The following ZFYVE28 variants were observed in gnomAD, a reference collection of about 807,000 sequenced individuals.
ZFYVE28 encodes zinc finger FYVE-type containing 28.
ZFYVE28 carries 40 observed loss-of-function variants against 82.1 expected under a neutral mutation model. That is an observed-to-expected ratio of 0.49 (90% confidence interval 0.38 to 0.63). The LOEUF is 0.63. ZFYVE28 is among the 30% of genes least tolerant of loss of function. The probability of loss-of-function intolerance (pLI) is 0.00; values close to 1 mark genes in which losing one functional copy is unlikely to be tolerated. For missense variants in ZFYVE28, 1,321 were observed against 1,242.1 expected (o/e 1.06, Z -0.96); for synonymous variants, 612 against 546.1 (o/e 1.12, Z -1.68).
At position 2,372,348 on chromosome 4, in the gene ZFYVE28, C is replaced by CA. The variant is rs1399059279; in HGVS notation, c.40-18276dup. ...TCTTCACAGCCCTACGCTGCCTCCCCAGCCCTTCCATCGCCGCCTCCTGCC... is the reference window on the plus strand; with the variant it reads ...TCTTCACAGCCCTACGCTGCCTCCCCAAGCCCTTCCATCGCCGCCTCCTGCC... On this transcript the variant is annotated intron_variant, in intron 1 of 12. Transcript: ENST00000290974. The surrounding 1 kb of genome is among the most constrained non-coding windows in gnomAD (Gnocchi z 5.2). Among the ~76,000 whole-genome samples, 1 of 152,118 alleles carries CA rather than the reference C, an allele frequency of 6.6e-6. No individual in the cohort carries two copies. The highest frequency in any genetic ancestry group is 2.4e-5 in the African/African-American group (1 of 41,406).
intron 6 of ZFYVE28, among the ~76,000 whole-genome samples, chr4:2,327,500 TAAC>T (rs1273850692): frequency 6.6e-6 from 1 of 151,810 alleles, no homozygotes; most frequent in Non-Finnish European, 1.5e-5. Flanking sequence ...CCATTGAGTA[TAAC>T]GTTAGCTGTG....
intron 5 of ZFYVE28, among the ~76,000 whole-genome samples, chr4:2,336,023 C>T (rs772974017): frequency 7.2e-5 from 11 of 152,184 alleles, no homozygotes; most frequent in Non-Finnish European, 1.5e-4. Context: ...TCCAGCTTGA[C>T]CTTCCCATCT....
intron 6 of ZFYVE28, chr4:2,330,951 G>A (rs776025778): frequency 2.2e-4 from 334 of 1,535,350 alleles, no homozygotes; most frequent in Non-Finnish European, 2.9e-4. Flanking sequence ...GACACAGGTG[G>A]ATGGGTGAGG....
chr4:2,335,614 C>T lies in ZFYVE28; in HGVS notation c.701+91G>A. 7.9e-7 allele frequency: 1 copy of T among 1,265,766 alleles called. No homozygotes were observed. Among genetic ancestry groups the T allele is most frequent in the Non-Finnish European group, 1.1e-6 (1 of 898,404 alleles). The allele number at this position is 1,265,766 out of a possible 1,614,324, so 78.4% of individuals were successfully genotyped here. ...GAGCGGCCACCGTGAGGTGGAGACG[C>T]CATGGACCGGCACCCGCACGGGACC... is the stretch of plus-strand genomic sequence containing the variant. On this transcript the variant is annotated intron_variant, in intron 6 of 12. Transcript: ENST00000290974. This position sits in a 1 kb window ranked among gnomAD's most constrained non-coding sequence, Gnocchi z 5.8.
chr4:2,416,957 AC>A lies in ZFYVE28; in HGVS notation c.39+1327del, dbSNP rs1001530232. On this transcript the variant is annotated intron_variant, in intron 1 of 12. Transcript: ENST00000290974. This position sits in a 1 kb window ranked among gnomAD's most constrained non-coding sequence, Gnocchi z 4.6. ...TTCGGGGCCCTGAGTGAGCCCTCAA[AC>A]CTCCGTGCCGATCTTCCAAACCCAC... 2.0e-5 allele frequency among the ~76,000 whole-genome samples: 3 copies of A among 152,158 alleles called. No individual in the cohort carries two copies. Among genetic ancestry groups the A allele is most frequent in the African/African-American group, 7.2e-5 (3 of 41,504 alleles).
rs572621870 is a variant in ZFYVE28, at chr4:2,408,188, C to T, written c.39+10097G>A. Among the ~76,000 whole-genome samples, 2 of 152,310 alleles carry T rather than the reference C, an allele frequency of 1.3e-5. No individual in the cohort carries two copies. Among genetic ancestry groups the T allele is most frequent in the African/African-American group, 4.8e-5 (2 of 41,574 alleles). ...GCCCTCACTGGACAGCAATGCTTCACCCAGTCCTGGACCAACACATCTCCC... is the reference window on the plus strand; with the variant it reads ...GCCCTCACTGGACAGCAATGCTTCATCCAGTCCTGGACCAACACATCTCCC... On this transcript the variant is annotated intron_variant, in intron 1 of 12. Coordinates refer to ENST00000290974, the MANE Select transcript of ZFYVE28 (RefSeq NM_020972.3). This position sits in a 1 kb window ranked among gnomAD's most constrained non-coding sequence, Gnocchi z 4.3.
In ZFYVE28 at chr4:2,270,563, G is replaced by T; in HGVS notation, c.*162C>A. 2 of 1,067,816 alleles carry T rather than the reference G, an allele frequency of 1.9e-6. No homozygotes were observed. The highest frequency in any genetic ancestry group is 2.7e-6 in the Non-Finnish European group (2 of 745,046). The allele number at this position is 1,067,816 out of a possible 1,614,324, so 66.1% of individuals were successfully genotyped here. On this transcript the variant is annotated 3_prime_UTR_variant, in exon 13 of 13. Coordinates refer to ENST00000290974, the MANE Select transcript of ZFYVE28 (RefSeq NM_020972.3). The stretch of plus-strand genomic sequence containing the variant: ...GCCGGCCCGGGGTCCCTGCAGGGAG[G>T]CTAGCGTGGGCAGGACAGAGGCTCT...
intron 1 of ZFYVE28, among the ~76,000 whole-genome samples, chr4:2,386,873 G>C (rs1334316077): frequency 6.6e-6 from 1 of 152,254 alleles, no homozygotes; most frequent in Non-Finnish European, 1.5e-5. Context: ...CCCGCCTGAG[G>C]TGCCAGCCAA....
chr4:2,329,651 T>A (rs1720375519), intron 6 of ZFYVE28, among the ~76,000 whole-genome samples: 1 of 152,252 alleles, frequency 6.6e-6, no homozygotes, highest in South Asian at 2.1e-4. Context: ...TTTATTGCTT[T>A]AATTTCTGTT....
intron 8 of ZFYVE28, among the ~76,000 whole-genome samples, chr4:2,290,770 CTA>C (rs1713526021): frequency 6.6e-6 from 1 of 152,120 alleles, no homozygotes; most frequent in South Asian, 2.1e-4. Flanking sequence ...CTTGCTTCCC[CTA>C]TTAAGTCCAA....
rs1424672149 is a variant in ZFYVE28 at position 2,416,281 on chromosome 4, AAC to A, written c.39+2002_39+2003del. 3.3e-5 allele frequency among the ~76,000 whole-genome samples: 5 copies of A among 152,332 alleles called. No homozygotes were observed. The highest frequency in any genetic ancestry group is 3.4e-3 in the Middle Eastern group (1 of 294). Reference sequence around the variant, plus strand: ...CCTGAAATTACTCAGCTACTCATGAAACAGAGTCTACAATTATTTTTCCTTCC... The same window carrying A: ...CCTGAAATTACTCAGCTACTCATGAAAGAGTCTACAATTATTTTTCCTTCC... On this transcript the variant is annotated intron_variant, in intron 1 of 12. Transcript: ENST00000290974. This position sits in a 1 kb window ranked among gnomAD's most constrained non-coding sequence, Gnocchi z 4.6.
chr4:2,306,864 A>G (rs1452380399), intron 7 of ZFYVE28: 1 of 152,228 alleles, frequency 6.6e-6, no homozygotes, highest in Non-Finnish European at 1.5e-5. Flanking sequence ...AAATATACGT[A>G]GTTCCTTTAT....
At position 2,417,405 on chromosome 4, in the gene ZFYVE28, G is replaced by C. The variant is rs1441432843; in HGVS notation, c.39+880C>G. On this transcript the variant is annotated intron_variant, in intron 1 of 12. Transcript: ENST00000290974. This position sits in a 1 kb window ranked among gnomAD's most constrained non-coding sequence, Gnocchi z 4.8. ...CGAGCCCCAGGCGGGCGGCGGGGAC[G>C]CAGCGCCCGCAGTGCGACTGGCGCA... Among the ~76,000 whole-genome samples, 1 of 150,634 alleles carries C rather than the reference G, an allele frequency of 6.6e-6. No homozygotes were observed. Among genetic ancestry groups the C allele is most frequent in the Non-Finnish European group, 1.5e-5 (1 of 67,540 alleles).
chr4:2,353,996 G>T lies in ZFYVE28; in HGVS notation c.117C>A (p.Ser39Arg), dbSNP rs758674561. Residue 39 changes from serine to arginine, a missense_variant, in exon 2 of 13, where the codon AGC (serine) becomes AGA (arginine). This residue lies in a region of ZFYVE28 where 343 missense variants were observed against 408.4 expected (regional missense o/e 0.84). Coordinates refer to ENST00000290974, the MANE Select transcript of ZFYVE28 (RefSeq NM_020972.3). The stretch of plus-strand genomic sequence containing the variant: ...GCTGGGGGTCCTTCCGCCCATCCAG[G>T]CTGTCCAGCTCCGCGGCCACCTGGT... ...ELNQVAAELD[S>R]LDGRKDPQRC... 3 of 1,587,590 alleles carry T rather than the reference G, an allele frequency of 1.9e-6. No homozygotes were observed. The highest frequency in any genetic ancestry group is 2.6e-6 in the Non-Finnish European group (3 of 1,167,352).
intron 1 of ZFYVE28, among the ~76,000 whole-genome samples, chr4:2,360,439 A>G (rs57383531): frequency 0.015 from 2,205 of 151,428 alleles, 52 homozygotes; most frequent in African/African-American, 0.05. Context: ...GCACGCACGC[A>G]CACACAGAAA....
intron 7 of ZFYVE28, among the ~76,000 whole-genome samples, chr4:2,319,415 G>A (rs1381180555): frequency 1.3e-5 from 2 of 152,206 alleles, no homozygotes; most frequent in Non-Finnish European, 2.9e-5. Flanking sequence ...GGACCCCATA[G>A]CCCACGGGGT....
chr4:2,301,835 C>CT (rs1433224954), intron 8 of ZFYVE28, among the ~76,000 whole-genome samples: 1 of 152,238 alleles, frequency 6.6e-6, no homozygotes, highest in East Asian at 1.9e-4. Flanking sequence ...AAAAGGTGCT[C>CT]TGCCTCACAC....
chr4:2,340,326 C>G (rs994317846), intron 3 of ZFYVE28, among the ~76,000 whole-genome samples: 1 of 152,190 alleles, frequency 6.6e-6, no homozygotes, highest in Non-Finnish European at 1.5e-5. Context: ...AGCTCCCCAG[C>G]GTGCGCTCAG....
intron 7 of ZFYVE28, among the ~76,000 whole-genome samples, chr4:2,307,595 G>C (rs1008251497): frequency 2.0e-5 from 3 of 152,080 alleles, no homozygotes; most frequent in African/African-American, 7.2e-5. Flanking sequence ...TTATTCTTCT[G>C]CCTCAGCCTC....
Sources: allele counts gnomAD v4.1 joint callset (sites outside exome capture counted in the v4.1 genomes callset), GRCh38; gene constraint gnomAD v4.1.1; regional missense constraint gnomAD v4.1.1; non-coding constraint Gnocchi (gnomAD v3.1); transcripts MANE v1.5; gene names NCBI Gene and HGNC (gene_info 2026-07-23, HGNC 2026-07-21).